FRMD4A: variants seen among roughly 807,000 people sequenced by gnomAD.
The protein encoded by FRMD4A is FERM domain containing 4A.
In FRMD4A, 29 loss-of-function variants were observed where a neutral mutation model predicts 129.1. The observed-to-expected ratio is 0.22, with a 90% CI of 0.17 to 0.31. The LOEUF (loss-of-function observed/expected upper bound fraction) is 0.31, where lower values mean the gene tolerates loss of function less well. Ranked by LOEUF, FRMD4A falls within the 10% of genes least tolerant of loss-of-function variation. FRMD4A has a pLI of 1.00. For missense variants in FRMD4A, 1,272 were observed against 1,375.8 expected (o/e 0.92, Z 1.19); for synonymous variants, 634 against 571.6 (o/e 1.11, Z -1.56).
chr10:13,651,696 C>G, intron 24 of FRMD4A: 1 of 575,362 alleles, frequency 1.7e-6, no homozygotes, highest in Non-Finnish European at 3.1e-6. Context: ...CTCTGGGGGT[C>G]TTTTCTGGGA....
At chr10:13,672,777 AG>A (rs574618998) in intron 16 of FRMD4A, among the ~76,000 whole-genome samples, 43 of 152,156 alleles carry the variant, frequency 2.8e-4, no homozygotes, top group African/African-American at 9.9e-4. Context: ...CTCTGAGCTG[AG>A]GGGAGAGATG....
At chr10:13,729,132 C>CGCCCAAGGCCAGGGTCTGTCACCCCCAG (rs141124690) in intron 12 of FRMD4A, among the ~76,000 whole-genome samples, 1 of 151,666 alleles carries the variant, frequency 6.6e-6, no homozygotes, top group South Asian at 2.1e-4. Flanking sequence ...GGTCTCTAGA[C>CGCCCAAGGCCAGGGTCTGTCACCCCCAG]GCATGGAAAG....
chr10:14,126,435 C>G (rs1838845899), intron 2 of FRMD4A, among the ~76,000 whole-genome samples: 1 of 152,078 alleles, frequency 6.6e-6, no homozygotes, highest in Non-Finnish European at 1.5e-5. Flanking sequence ...TCCTAAAGTT[C>G]TGGGATTACA....
chr10:14,272,948 G>A (rs1488547439), intron 2 of FRMD4A, among the ~76,000 whole-genome samples: 2 of 152,036 alleles, frequency 1.3e-5, no homozygotes, highest in East Asian at 3.9e-4. Context: ...GGACACAGTG[G>A]CCTGCACCTG....
intron 2 of FRMD4A, among the ~76,000 whole-genome samples, chr10:14,235,153 C>G (rs1843760605): frequency 5.9e-5 from 2 of 33,772 alleles, no homozygotes. Context: ...GTAACCTAAG[C>G]TGTCTTTTTT....
At chr10:13,929,297 C>A (rs564539689) in intron 2 of FRMD4A, among the ~76,000 whole-genome samples, 1 of 152,184 alleles carries the variant, frequency 6.6e-6, no homozygotes, top group Non-Finnish European at 1.5e-5. Flanking sequence ...GAGAACTTGC[C>A]GTGTGTTCTC....
Position 13,961,366 on chromosome 10 carries a change from T to A in FRMD4A, c.46-102454A>T, listed in dbSNP as rs141014921. Among the ~76,000 whole-genome samples the A allele has an allele frequency of 1.9e-3, 290 of 152,346 alleles. 6 individuals carry two copies. The highest frequency in any genetic ancestry group is 0.017 in the Middle Eastern group (5 of 294). ...AAAATTTCCATCTGAGGCTGGGCGG[T>A]GAGGCTTCCAAAATAGGCCAGCTGG... is the stretch of plus-strand genomic sequence containing the variant. On this transcript the variant is annotated intron_variant, in intron 2 of 24. Transcript: ENST00000357447.
rs183093622 is a variant in FRMD4A at position 14,052,426 on chromosome 10, A to G, written c.46-193514T>C. Among the ~76,000 whole-genome samples, 150 of 152,342 alleles carry G rather than the reference A, an allele frequency of 9.8e-4. 1 individual carries two copies. The highest frequency in any genetic ancestry group is 3.5e-3 in the African/African-American group (145 of 41,588). On this transcript the variant is annotated intron_variant, in intron 2 of 24. Coordinates refer to ENST00000357447, the MANE Select transcript of FRMD4A (RefSeq NM_018027.5). ...TTTGGCTTACAGTTTTGCAGGCTGT[A>G]CAAGCATGGCATCAGCATCTGCTTG...
At chr10:14,112,345 G>A (rs935023384) in intron 2 of FRMD4A, among the ~76,000 whole-genome samples, 7 of 152,150 alleles carry the variant, frequency 4.6e-5, no homozygotes, top group African/African-American at 4.8e-5. Flanking sequence ...TGTGCCTGAT[G>A]GAGGAGCACA....
At chr10:13,715,428 T>C (rs1167371832) in intron 12 of FRMD4A, among the ~76,000 whole-genome samples, 1 of 152,226 alleles carries the variant, frequency 6.6e-6, no homozygotes. Context: ...ATTAAAAGCA[T>C]GGTTTTCAAC....
intron 2 of FRMD4A, among the ~76,000 whole-genome samples, chr10:14,127,048 A>T (rs1368208243): frequency 6.6e-6 from 1 of 152,158 alleles, no homozygotes; most frequent in African/African-American, 2.4e-5. Context: ...GCTGACATTA[A>T]CTGCAGCATC....
intron 12 of FRMD4A, among the ~76,000 whole-genome samples, chr10:13,724,477 C>T (rs1338888305): frequency 6.6e-6 from 1 of 152,130 alleles, no homozygotes; most frequent in African/African-American, 2.4e-5. Context: ...GCTAGAGAAA[C>T]CAGATCTGTT....
At chr10:14,109,404 G>A (rs1456607158) in intron 2 of FRMD4A, among the ~76,000 whole-genome samples, 1 of 152,198 alleles carries the variant, frequency 6.6e-6, no homozygotes. Flanking sequence ...CAAAGAAGGA[G>A]AAGAGAGTAG....
chr10:13,682,564 G>A (rs949764338), intron 15 of FRMD4A, among the ~76,000 whole-genome samples: 3 of 138,416 alleles, frequency 2.2e-5, no homozygotes, highest in Admixed American at 1.6e-4. Flanking sequence ...GCAGTGGCCT[G>A]ATCTTGGCTC....
intron 6 of FRMD4A, among the ~76,000 whole-genome samples, chr10:13,775,893 T>C (rs549833566): frequency 3.5e-5 from 3 of 85,686 alleles, no homozygotes; most frequent in African/African-American, 5.6e-5. Context: ...GGGTATGTAG[T>C]AACTAAATAA....
In FRMD4A at chr10:13,657,002, C is replaced by G; in HGVS notation, c.2587G>C (p.Val863Leu). The G allele has an allele frequency of 6.4e-7, 1 of 1,567,066 alleles. No homozygotes were observed. Among genetic ancestry groups the G allele is most frequent in the East Asian group, 2.4e-5 (1 of 41,632 alleles). The change falls in exon 22 of 25, where the codon GTC (valine) becomes CTC (leucine). Residue 863 changes from valine (V) to leucine (L), a missense_variant. Transcript: ENST00000357447. ...LESDQEGHYS[V>L]KAQFKTSNSY... ...TTGGACGTCTTGAACTGAGCCTTGA[C>G]GCTGTAGTGGCCCTCCTGGTCGCTC... is the stretch of plus-strand genomic sequence containing the variant.
At chr10:13,700,002 G>T (rs749501424) in intron 14 of FRMD4A, among the ~76,000 whole-genome samples, 1 of 152,150 alleles carries the variant, frequency 6.6e-6, no homozygotes, top group South Asian at 2.1e-4. Flanking sequence ...GAAAGTAGAG[G>T]ACAAGATATT....
chr10:13,650,722 C>T (rs1440107266), intron 24 of FRMD4A, among the ~76,000 whole-genome samples: 1 of 152,142 alleles, frequency 6.6e-6, no homozygotes, highest in Non-Finnish European at 1.5e-5. Flanking sequence ...ACTTACTTTT[C>T]AAAAGTCCAG....
chr10:14,043,908 C>G (rs1026521482), intron 2 of FRMD4A, among the ~76,000 whole-genome samples: 1 of 152,188 alleles, frequency 6.6e-6, no homozygotes, highest in African/African-American at 2.4e-5. Flanking sequence ...CTCACTATAA[C>G]TTCGAACTGT....
Sources: allele counts gnomAD v4.1 joint callset (sites outside exome capture counted in the v4.1 genomes callset), GRCh38; gene constraint gnomAD v4.1.1; transcripts MANE v1.5; gene names NCBI Gene and HGNC (gene_info 2026-07-23, HGNC 2026-07-21).